IGF2BP3: variants seen among roughly 807,000 people sequenced by gnomAD.
The protein encoded by IGF2BP3 is insulin like growth factor 2 mRNA binding protein 3.
A neutral mutation model predicts 73.8 loss-of-function variants in IGF2BP3; 9 were observed. The ratio of observed to expected loss-of-function variants is 0.12; its 90% CI spans 0.07 to 0.21. The LOEUF (loss-of-function observed/expected upper bound fraction) is 0.21. Ranked by LOEUF, IGF2BP3 falls within the 10% of genes least tolerant of loss-of-function variation. The probability of loss-of-function intolerance (pLI) is 1.00; values close to 1 mark genes in which losing one functional copy is unlikely to be tolerated. For missense variants in IGF2BP3, 542 were observed against 714.0 expected (o/e 0.76, Z 2.75); for synonymous variants, 258 against 256.7 (o/e 1.01, Z -0.05).
chr7:23,369,644 A>G (rs1273650126), intron 3 of IGF2BP3, among the ~76,000 whole-genome samples: 3 of 151,728 alleles, frequency 2.0e-5, no homozygotes, highest in African/African-American at 7.3e-5. Flanking sequence ...CTAAACTATC[A>G]CCATCATGAC....
At chr7:23,447,626 A>C (rs1353575177) in intron 2 of IGF2BP3, among the ~76,000 whole-genome samples, 1 of 151,794 alleles carries the variant, frequency 6.6e-6, no homozygotes, top group Non-Finnish European at 1.5e-5. Context: ...TCTGTCTCAG[A>C]AAAAAACAAC....
chr7:23,314,067 T>C (rs1219810850), intron 12 of IGF2BP3, among the ~76,000 whole-genome samples: 1 of 152,210 alleles, frequency 6.6e-6, no homozygotes, highest in Non-Finnish European at 1.5e-5. Context: ...TTGTCCAGGC[T>C]GGAGTGCAAT....
chr7:23,320,482 A>G (rs1784107117), intron 10 of IGF2BP3, among the ~76,000 whole-genome samples: 1 of 152,108 alleles, frequency 6.6e-6, no homozygotes, highest in African/African-American at 2.4e-5. Flanking sequence ...GTTCTAAAGT[A>G]CAGAAGCAGT....
chr7:23,376,982 T>C (rs774430546), intron 3 of IGF2BP3, among the ~76,000 whole-genome samples: 1 of 152,230 alleles, frequency 6.6e-6, no homozygotes, highest in Non-Finnish European at 1.5e-5. Flanking sequence ...TCCACAGATA[T>C]GTTCACAACT....
intron 5 of IGF2BP3, among the ~76,000 whole-genome samples, chr7:23,352,278 ATTTTTTTTTTTTTTTTT>A (rs70966011): frequency 2.7e-5 from 2 of 73,776 alleles, no homozygotes; most frequent in African/African-American, 5.1e-5. Context: ...TCTCTTTTTC[ATTTTTTTTTTTTTTTTT>A]TTTTTTTTTT....
rs748319756 is a variant in IGF2BP3, at chr7:23,347,640, T to C, written c.778A>G (p.Ile260Val). 2 of 1,614,036 alleles carry C rather than the reference T, an allele frequency of 1.2e-6. No individual in the cohort carries two copies. The highest frequency in any genetic ancestry group is 1.1e-5 in the South Asian group (1 of 91,080). Reference protein sequence around the residue: ...PEGTSAACKSILEIMHKEAQD... With the variant: ...PEGTSAACKSVLEIMHKEAQD... ...GCTTCCTTATGCATAATCTCCAGAATAGACTTACAAGCCGCAGAGGTGCCT... is the reference window on the plus strand; with the variant it reads ...GCTTCCTTATGCATAATCTCCAGAACAGACTTACAAGCCGCAGAGGTGCCT... The change falls in exon 7 of 15, where the codon ATT becomes GTT. Residue 260 changes from isoleucine to valine, a missense_variant. Around this residue, in one of 2 missense-constraint regions of IGF2BP3, gnomAD observed 303 missense variants for 472.1 expected, o/e 0.64. Transcript: ENST00000258729.
rs534891652 is a variant in IGF2BP3 at position 23,330,515 on chromosome 7, T to G, written c.1204-11261A>C. On this transcript the variant is annotated intron_variant, in intron 10 of 14. Coordinates refer to ENST00000258729, the MANE Select transcript of IGF2BP3 (RefSeq NM_006547.3). Reference sequence around the variant, plus strand: ...TCAAAAGAAATTTCTTTTGCGTAGTTGGCAAAAGCTTAAACCTATGATCAT... The same window carrying G: ...TCAAAAGAAATTTCTTTTGCGTAGTGGGCAAAAGCTTAAACCTATGATCAT... Among the ~76,000 whole-genome samples, 13 of 152,046 alleles carry G rather than the reference T, an allele frequency of 8.6e-5. No individual in the cohort carries two copies. In the South Asian group the frequency reaches 2.3e-3, roughly 27 times the overall value.
chr7:23,420,501 A>C (rs1054613920), intron 2 of IGF2BP3, among the ~76,000 whole-genome samples: 4 of 152,182 alleles, frequency 2.6e-5, no homozygotes, highest in Non-Finnish European at 5.9e-5. Context: ...AAGAAAAAAG[A>C]AAAATAAAAA....
At chr7:23,313,382 A>G in intron 13 of IGF2BP3, 140 bp downstream of exon 13, 1 of 896,294 alleles carries the variant, frequency 1.1e-6, no homozygotes, top group South Asian at 1.8e-5. Flanking sequence ...GACAGGAAAC[A>G]AAAGGCAATC....
At chr7:23,404,503 T>G (rs1427037006) in intron 3 of IGF2BP3, among the ~76,000 whole-genome samples, 3 of 152,130 alleles carry the variant, frequency 2.0e-5, no homozygotes, top group African/African-American at 7.2e-5. Context: ...TAGTCAAGCT[T>G]TGAAAAGCAT....
intron 9 of IGF2BP3, among the ~76,000 whole-genome samples, chr7:23,343,052 A>G (rs1052574285): frequency 6.6e-6 from 1 of 152,248 alleles, no homozygotes; most frequent in African/African-American, 2.4e-5. Context: ...TTAAAATTTA[A>G]GACAGGCTTT....
intron 5 of IGF2BP3, among the ~76,000 whole-genome samples, chr7:23,356,670 A>C (rs1467440967): frequency 6.6e-6 from 1 of 152,230 alleles, no homozygotes; most frequent in East Asian, 1.9e-4. Context: ...ATGAGGTTTA[A>C]CCCATTATTG....
chr7:23,343,979 A>AACCCT (rs1348444131), intron 8 of IGF2BP3, 126 bp from the exon 9 acceptor site: 8 of 843,908 alleles, frequency 9.5e-6, no homozygotes, highest in African/African-American at 8.6e-5. Context: ...TGGGTGGTAA[A>AACCCT]ACATGATGGG....
chr7:23,328,671 A>G (rs545155984), intron 10 of IGF2BP3, among the ~76,000 whole-genome samples: 2 of 152,374 alleles, frequency 1.3e-5, no homozygotes, highest in East Asian at 3.9e-4. Context: ...ATCTGAAAAT[A>G]GCAAGAATTT....
intron 3 of IGF2BP3, among the ~76,000 whole-genome samples, chr7:23,369,797 C>T (rs1172983908): frequency 6.6e-6 from 1 of 152,014 alleles, no homozygotes; most frequent in African/African-American, 2.4e-5. Context: ...TATATCCCCA[C>T]CTCCCTCACA....
chr7:23,468,941 G>A (rs1036090143), intron 1 of IGF2BP3, among the ~76,000 whole-genome samples: 2 of 152,334 alleles, frequency 1.3e-5, no homozygotes, highest in East Asian at 1.9e-4. Context: ...CCCTGGCCCT[G>A]CCCTCTGCTT....
rs144557066 is a variant in IGF2BP3 at position 23,350,427 on chromosome 7, A to G, written c.683+878T>C. Among the ~76,000 whole-genome samples, 1,091 of 152,376 alleles carry G rather than the reference A, an allele frequency of 7.2e-3. 6 individuals carry two copies. The highest frequency in any genetic ancestry group is 0.01 in the Non-Finnish European group (714 of 68,032). On this transcript the variant is annotated intron_variant, in intron 6 of 14. Coordinates refer to ENST00000258729, the MANE Select transcript of IGF2BP3 (RefSeq NM_006547.3). Reference sequence around the variant, plus strand: ...CACTCACAGGTTCTTCAGGAAATACAGTAGTAACAGGATGTGCCTCGTAGC... The same window carrying G: ...CACTCACAGGTTCTTCAGGAAATACGGTAGTAACAGGATGTGCCTCGTAGC...
chr7:23,390,884 C>T (rs1465299912), intron 3 of IGF2BP3, among the ~76,000 whole-genome samples: 1 of 150,864 alleles, frequency 6.6e-6, no homozygotes, highest in Non-Finnish European at 1.5e-5. Context: ...GTGCAACGTC[C>T]GCCTCCTGGG....
chr7:23,331,758 G>A (rs190339190), intron 10 of IGF2BP3, among the ~76,000 whole-genome samples: 1 of 151,976 alleles, frequency 6.6e-6, no homozygotes, highest in African/African-American at 2.4e-5. Flanking sequence ...TACTCGGGAG[G>A]CTGAGGCAGG....
Sources: allele counts gnomAD v4.1 joint callset (sites outside exome capture counted in the v4.1 genomes callset), GRCh38; gene constraint gnomAD v4.1.1; regional missense constraint gnomAD v4.1.1; transcripts MANE v1.5; gene names NCBI Gene and HGNC (gene_info 2026-07-23, HGNC 2026-07-21).